Variants in MICAL3 observed in about 807,000 individuals in gnomAD.
MICAL3 encodes [F-actin]-monooxygenase MICAL3.
In MICAL3, 62 loss-of-function variants were observed where a neutral mutation model predicts 207.4. The observed-to-expected ratio is 0.30, with a 90% CI of 0.24 to 0.37. The LOEUF is 0.37. Among genes scored for constraint, MICAL3 ranks in the 10% least tolerant of loss-of-function variants. The pLI is 1.00. For missense variants in MICAL3, 2,368 were observed against 2,635.6 expected (o/e 0.90, Z 2.22); for synonymous variants, 1,077 against 1,069.3 (o/e 1.01, Z -0.14).
At chr22:17,823,156 G>T in intron 22 of MICAL3, 96 bp from the exon 23 acceptor site, 1 of 814,972 alleles carries the variant, frequency 1.2e-6, no homozygotes, top group Non-Finnish European at 2.0e-6. Context: ...TTCTCAGGGC[G>T]CTGCCATGCA....
At chr22:17,863,316 C>G (rs1926714532) in intron 19 of MICAL3, 1 of 985,280 alleles carries the variant, frequency 1.0e-6, no homozygotes, top group Non-Finnish European at 1.2e-6. Context: ...TCAGGTTCCT[C>G]AGAAAATCCA....
chr22:17,798,734 C>T (rs1017689922), intron 29 of MICAL3, among the ~76,000 whole-genome samples: 8 of 139,326 alleles, frequency 5.7e-5, no homozygotes, highest in Middle Eastern at 3.8e-3. Context: ...AGTGCAGTGG[C>T]GCGATCTCGG....
chr22:17,844,123 A>G (rs1243477717), intron 19 of MICAL3, among the ~76,000 whole-genome samples: 1 of 152,106 alleles, frequency 6.6e-6, no homozygotes, highest in African/African-American at 2.4e-5. Flanking sequence ...TGGGATTACA[A>G]GCGGGAGCCA....
At chr22:17,851,068 C>T (rs1184651929) in intron 19 of MICAL3, among the ~76,000 whole-genome samples, 1 of 152,218 alleles carries the variant, frequency 6.6e-6, no homozygotes, top group Non-Finnish European at 1.5e-5. Context: ...ACGAGTGCTG[C>T]GCTCTAGCTG....
chr22:17,880,958 T>C (rs1929360543), intron 16 of MICAL3, among the ~76,000 whole-genome samples: 1 of 152,224 alleles, frequency 6.6e-6, no homozygotes, highest in Non-Finnish European at 1.5e-5. Flanking sequence ...GTTGAACTTC[T>C]AGTTCGTGGT....
At chr22:17,813,972 C>T (rs2062075877) in intron 27 of MICAL3, 1 of 152,188 alleles carries the variant, frequency 6.6e-6, no homozygotes, top group South Asian at 2.1e-4. Context: ...TCTGAATTAT[C>T]CTAAATTTTC....
intron 1 of MICAL3, among the ~76,000 whole-genome samples, chr22:17,972,424 A>AG (rs879274818): frequency 6.6e-5 from 10 of 152,176 alleles, no homozygotes; most frequent in South Asian, 4.1e-4. Context: ...AGGCTAAGCT[A>AG]CCTGGGAGGG....
chr22:17,866,670 T>TAGAATAGAATAGAATAG (rs1927188879), intron 17 of MICAL3, among the ~76,000 whole-genome samples: 5 of 130,572 alleles, frequency 3.8e-5, no homozygotes, highest in South Asian at 5.1e-4. Flanking sequence ...GAATAGAATA[T>TAGAATAGAATAGAATAG]AGAATAGAAT....
At chr22:17,940,006 G>A (rs908928042) in intron 1 of MICAL3, among the ~76,000 whole-genome samples, 5 of 152,080 alleles carry the variant, frequency 3.3e-5, no homozygotes, top group East Asian at 1.9e-4. Flanking sequence ...CACCACAGCC[G>A]GCAGTCCTGT....
At chr22:17,887,912 A>G (rs1420139862) in intron 13 of MICAL3, among the ~76,000 whole-genome samples, 2 of 152,186 alleles carry the variant, frequency 1.3e-5, no homozygotes, top group Middle Eastern at 3.2e-3. Context: ...GGGTACGTCG[A>G]TGTTAGAGCT....
Position 17,864,926 on chromosome 22 carries a change from C to A in MICAL3, c.2578G>T (p.Val860Leu), listed in dbSNP as rs199950640. 8.1e-6 allele frequency: 13 copies of A among 1,613,784 alleles called. No individual in the cohort carries two copies. In the South Asian group the frequency reaches 1.4e-4, roughly 18 times the overall value. Residue 860 changes from valine to leucine, a missense_variant, in exon 19 of 32, where the codon GTG becomes TTG. Around this residue, in one of 4 missense-constraint regions of MICAL3, gnomAD observed 1,770 missense variants for 1,863.2 expected, o/e 0.95. Coordinates refer to ENST00000441493, the MANE Select transcript of MICAL3 (RefSeq NM_015241.3). ...GGGGTTCTCTCAGTGGAGCTGGCCA[C>A]GGCGTTGGCCCGTCCGTTTGCATCT... ...TTDANGRANA[V>L]ASSTERTPGS...
chr22:17,801,148 CTT>C (rs978301664), intron 29 of MICAL3, among the ~76,000 whole-genome samples: 3 of 91,924 alleles, frequency 3.3e-5, no homozygotes, highest in East Asian at 2.9e-4. Flanking sequence ...TTTCCTTTTT[CTT>C]TTTTTTTTTT....
At chr22:17,885,096 A>G (rs1303986010) in intron 16 of MICAL3, among the ~76,000 whole-genome samples, 2 of 152,214 alleles carry the variant, frequency 1.3e-5, no homozygotes, top group Non-Finnish European at 2.9e-5. Flanking sequence ...ACTTTTAGAC[A>G]ATCAAGGGGA....
At chr22:17,955,455 T>G (rs439712) in intron 1 of MICAL3, among the ~76,000 whole-genome samples, 1 of 151,982 alleles carries the variant, frequency 6.6e-6, no homozygotes, top group Non-Finnish European at 1.5e-5. Flanking sequence ...CAGGAGGGGA[T>G]GTAGCTATCA....
rs774527386 is a variant in MICAL3 at position 17,871,867 on chromosome 22, G to A, written c.2398C>T (p.Leu800Phe). Reference protein sequence around the residue: ...KCEYCATTLRLSAYAYDIEDG... With the variant: ...KCEYCATTLRFSAYAYDIEDG... ...TCGATGTCGTAGGCGTAGGCCGAGA[G>A]GCGCAGGGTGGTGGCGCAGTACTCG... The change falls in exon 17 of 32, where the codon CTC becomes TTC. Residue 800 changes from leucine to phenylalanine, a missense_variant. Transcript: ENST00000441493. The A allele has an allele frequency of 6.2e-7, 1 of 1,610,516 alleles. No individual in the cohort carries two copies. The highest frequency in any genetic ancestry group is 8.5e-7 in the Non-Finnish European group (1 of 1,178,586).
Position 17,935,960 on chromosome 22 carries a change from G to A in MICAL3, c.-74-29074C>T, listed in dbSNP as rs540731072. Among the ~76,000 whole-genome samples, 653 of 152,246 alleles carry A rather than the reference G, an allele frequency of 4.3e-3. 2 individuals are homozygous for A. Among genetic ancestry groups the A allele is most frequent in the African/African-American group, 0.015 (613 of 41,534 alleles). Reference sequence around the variant, plus strand: ...GGAGAGGATGTGGAGAAATAGGAACGCTTTTACACTGTTGGTGGGAGTGTA... The same window carrying A: ...GGAGAGGATGTGGAGAAATAGGAACACTTTTACACTGTTGGTGGGAGTGTA... On this transcript the variant is annotated intron_variant, in intron 1 of 31. Transcript: ENST00000441493.
At chr22:17,859,878 C>T (rs1468352794) in intron 19 of MICAL3, among the ~76,000 whole-genome samples, 3 of 152,224 alleles carry the variant, frequency 2.0e-5, no homozygotes, top group Admixed American at 1.3e-4. Context: ...GGCCCATGGG[C>T]ACAGGTGGCA....
At chr22:17,874,225 G>T (rs1316786429) in intron 16 of MICAL3, among the ~76,000 whole-genome samples, 1 of 152,200 alleles carries the variant, frequency 6.6e-6, no homozygotes, top group African/African-American at 2.4e-5. Flanking sequence ...TAACTTCACA[G>T]ATTATACCTA....
chr22:17,843,791 C>T (rs527918945), intron 19 of MICAL3, among the ~76,000 whole-genome samples: 4 of 152,310 alleles, frequency 2.6e-5, no homozygotes, highest in Non-Finnish European at 4.4e-5. Flanking sequence ...AGCGAACAGT[C>T]GTTACTGAGA....
Sources: allele counts gnomAD v4.1 joint callset (sites outside exome capture counted in the v4.1 genomes callset), GRCh38; gene constraint gnomAD v4.1.1; regional missense constraint gnomAD v4.1.1; transcripts MANE v1.5; gene names NCBI Gene and HGNC (gene_info 2026-07-23, HGNC 2026-07-21).